The following AKAP13 variants were observed in gnomAD, a reference collection of about 807,000 sequenced individuals.
The protein encoded by AKAP13 is A-kinase anchor protein 13.
A neutral mutation model predicts 264.5 loss-of-function variants in AKAP13; 80 were observed. That is an observed-to-expected ratio of 0.30 (90% CI 0.25 to 0.36). The LOEUF is 0.36. Among genes scored for constraint, AKAP13 ranks in the 10% least tolerant of loss-of-function variants. The pLI, the probability that AKAP13 is intolerant of heterozygous loss-of-function variation, is 1.00. For missense variants in AKAP13, 3,712 were observed against 3,435.2 expected, an observed-to-expected ratio of 1.08 and a Z score of -2.01; for synonymous variants, 1,380 against 1,250.2, an observed-to-expected ratio of 1.10 and a Z score of -2.19.
At chr15:85,485,918 T>C (rs1271925509) in intron 2 of AKAP13, among the ~76,000 whole-genome samples, 165 bp downstream of exon 2, 6 of 152,208 alleles carry the variant, frequency 3.9e-5, no homozygotes, top group Non-Finnish European at 5.9e-5. Flanking sequence ...ATTTAGTAAA[T>C]ACTAAATGGC....
intron 2 of AKAP13, among the ~76,000 whole-genome samples, chr15:85,487,064 A>G (rs535701365): frequency 1.3e-5 from 2 of 152,214 alleles, no homozygotes; most frequent in East Asian, 1.9e-4. Flanking sequence ...CATTGCTTAT[A>G]TATAGAAATA....
chr15:85,504,254 A>G (rs2076122236), intron 2 of AKAP13, among the ~76,000 whole-genome samples: 1 of 152,146 alleles, frequency 6.6e-6, no homozygotes. Context: ...AGCCGAGTAT[A>G]ATCTTCAACC....
chr15:85,658,515 C>G lies in AKAP13; in HGVS notation c.4746-22C>G, dbSNP rs529217761. 2.5e-6 allele frequency: 4 copies of G among 1,613,040 alleles called. No individual in the cohort carries two copies. The East Asian group carries it at 8.9e-5, about 36-fold the overall frequency. On this transcript the variant is annotated intron_variant, in intron 11 of 36. Transcript: ENST00000394518. The stretch of plus-strand genomic sequence containing the variant: ...CATTTTGTTTCACCTGCAACACTGA[C>G]CTCTTCACCATTCATTTTCAGTTCA...
At chr15:85,499,139 T>C (rs192896472) in intron 2 of AKAP13, among the ~76,000 whole-genome samples, 7 of 152,320 alleles carry the variant, frequency 4.6e-5, no homozygotes, top group Admixed American at 4.6e-4. Context: ...GCTTTTCTTT[T>C]TTAAAGGCTA....
chr15:85,405,394 A>T (rs2071614541), intron 1 of AKAP13, among the ~76,000 whole-genome samples: 1 of 152,212 alleles, frequency 6.6e-6, no homozygotes, highest in East Asian at 1.9e-4. Flanking sequence ...AGTTTGACAA[A>T]AATCCATGAT....
intron 10 of AKAP13, among the ~76,000 whole-genome samples, chr15:85,650,373 A>G (rs2082746672): frequency 6.6e-6 from 1 of 152,150 alleles, no homozygotes; most frequent in South Asian, 2.1e-4. Flanking sequence ...CAAGGCTGCA[A>G]TGAGCTGTGA....
At position 85,718,498 on chromosome 15, in the gene AKAP13, G is replaced by T. The variant is rs1339358078; in HGVS notation, c.6001+339G>T. Among the ~76,000 whole-genome samples, 2 of 152,156 alleles carry T rather than the reference G, an allele frequency of 1.3e-5. No individual in the cohort carries two copies. Among genetic ancestry groups the T allele is most frequent in the African/African-American group, 4.8e-5 (2 of 41,428 alleles). On this transcript the variant is annotated intron_variant, in intron 22 of 36. Coordinates refer to ENST00000394518, the MANE Select transcript of AKAP13 (RefSeq NM_007200.5). The surrounding 1 kb of genome is among the most constrained non-coding windows in gnomAD (Gnocchi z 4.9). ...GAGAACTGGGTATACAGTCAGTTAC[G>T]ACAGGTGCTGAATCCAGTGAAGACC...
intron 14 of AKAP13, among the ~76,000 whole-genome samples, chr15:85,681,159 A>G (rs1001744975): frequency 6.6e-6 from 1 of 152,206 alleles, no homozygotes; most frequent in African/African-American, 2.4e-5. Flanking sequence ...TCAAATCTCT[A>G]TCAGATTAAA....
chr15:85,586,392 A>C (rs1049892167), intron 8 of AKAP13, among the ~76,000 whole-genome samples: 4 of 151,844 alleles, frequency 2.6e-5, no homozygotes, highest in Non-Finnish European at 1.5e-5. Context: ...CTTTTTGTGG[A>C]GATGGGGTTT....
chr15:85,575,139 C>G lies in AKAP13; in HGVS notation c.671C>G (p.Ala224Gly). The G allele has an allele frequency of 6.2e-7, 1 of 1,614,046 alleles. No homozygotes were observed. The highest frequency in any genetic ancestry group is 8.5e-7 in the Non-Finnish European group (1 of 1,179,960). The change falls in exon 6 of 37, where the codon GCT becomes GGT. Residue 224 changes from alanine to glycine, a missense_variant. This residue lies in a region of AKAP13 where 2,759 missense variants were observed against 2,411.7 expected (regional missense o/e 1.14). Transcript: ENST00000394518. ...GAGATGCTTGCATGTAGGGAGAATGCTGGAGAACCAGACTCCTGGAGCAGT... is the reference window on the plus strand; with the variant it reads ...GAGATGCTTGCATGTAGGGAGAATGGTGGAGAACCAGACTCCTGGAGCAGT... ...KLHQLLTEENAGEPDSWSSLS... is the reference protein window; with the variant it reads ...KLHQLLTEENGGEPDSWSSLS...
rs1233910151 is a variant in AKAP13, at chr15:85,641,503, A to C, written c.4237+2054A>C. Among the ~76,000 whole-genome samples, 3 of 114,852 alleles carry C rather than the reference A, an allele frequency of 2.6e-5. No individual in the cohort carries two copies. The East Asian group carries it at 7.9e-4, about 30-fold the overall frequency. 75.3% of individuals were successfully genotyped at this position (114,852 alleles called of 152,430 possible). A position where few individuals can be genotyped will look rare whatever the true frequency, so the allele number is the denominator to read the frequency against. On this transcript the variant is annotated intron_variant, in intron 9 of 36. Coordinates refer to ENST00000394518, the MANE Select transcript of AKAP13 (RefSeq NM_007200.5). ...AAATAAATAAATAAATAAATAAATA[A>C]ATAACGGAGTCTCGCTCTGTCGCCC...
Position 85,746,753 on chromosome 15 carries a change from T to G in AKAP13, c.*2076T>G, listed in dbSNP as rs556991798. On this transcript the variant is annotated 3_prime_UTR_variant, in exon 37 of 37. Coordinates refer to ENST00000394518, the MANE Select transcript of AKAP13 (RefSeq NM_007200.5). ...CTGAGATCTACCCGGGGCTTGGCTG[T>G]CTGTTCTGGGCACTGGCTCCGAGTT... 4 of 152,346 alleles carry G rather than the reference T, an allele frequency of 2.6e-5. No individual in the cohort carries two copies. Among genetic ancestry groups the G allele is most frequent in the African/African-American group, 9.6e-5 (4 of 41,562 alleles). 9.4% of individuals were successfully genotyped at this position (152,346 alleles called of 1,614,324 possible). A position where few individuals can be genotyped will look rare whatever the true frequency, so the allele number is the denominator to read the frequency against.
At chr15:85,450,017 G>A (rs1044470879) in intron 1 of AKAP13, among the ~76,000 whole-genome samples, 1 of 152,096 alleles carries the variant, frequency 6.6e-6, no homozygotes, top group African/African-American at 2.4e-5. Flanking sequence ...TGTACATCTA[G>A]TAGAATTAGG....
At chr15:85,715,953 T>C in intron 20 of AKAP13, 30 bp downstream of exon 20, 4 of 1,601,734 alleles carry the variant, frequency 2.5e-6, no homozygotes, top group Non-Finnish European at 3.4e-6. Context: ...GATAGCACAG[T>C]TGGCATCTAG....
chr15:85,744,669 T>C lies in AKAP13; in HGVS notation c.8434T>C (p.Phe2812Leu). 6.2e-7 allele frequency: 1 copy of C among 1,609,274 alleles called. No homozygotes were observed. Among genetic ancestry groups the C allele is most frequent in the East Asian group, 2.2e-5 (1 of 44,834 alleles). Reference protein sequence around the residue: ...SEVSAEGEEIFC With the variant: ...SEVSAEGEEILC Reference sequence around the variant, plus strand: ...AGTATCAGCAGAGGGTGAAGAGATCTTCTGCTGACCCTCTTCCTCTCTGCT... The same window carrying C: ...AGTATCAGCAGAGGGTGAAGAGATCCTCTGCTGACCCTCTTCCTCTCTGCT... The change falls in exon 37 of 37, where the codon TTC (phenylalanine) becomes CTC (leucine). Residue 2812 changes from phenylalanine to leucine, a missense_variant. Around this residue, in one of 3 missense-constraint regions of AKAP13, gnomAD observed 611 missense variants for 539.3 expected, o/e 1.13. Coordinates refer to ENST00000394518, the MANE Select transcript of AKAP13 (RefSeq NM_007200.5).
At chr15:85,627,559 A>G (rs553421772) in intron 8 of AKAP13, 1 of 152,086 alleles carries the variant, frequency 6.6e-6, no homozygotes, top group African/African-American at 2.4e-5. Context: ...TGATCTTTTT[A>G]CTACCTTTCT....
At chr15:85,530,334 A>G (rs2077207613) in intron 3 of AKAP13, among the ~76,000 whole-genome samples, 1 of 152,154 alleles carries the variant, frequency 6.6e-6, no homozygotes, top group Admixed American at 6.5e-5. Flanking sequence ...TTGCTTCACC[A>G]TGGCTCTTTG....
At position 85,645,971 on chromosome 15, in the gene AKAP13, C is replaced by G. The variant is rs767319083; in HGVS notation, c.4374+17C>G. Reference sequence around the variant, plus strand: ...TTCCCAAAGGTACTGTGTGGACCTTCCTTTCATTTTTGTCACACGGCTTTT... The same window carrying G: ...TTCCCAAAGGTACTGTGTGGACCTTGCTTTCATTTTTGTCACACGGCTTTT... On this transcript the variant is annotated intron_variant, in intron 10 of 36. Coordinates refer to ENST00000394518, the MANE Select transcript of AKAP13 (RefSeq NM_007200.5). 1.3e-6 allele frequency: 2 copies of G among 1,597,334 alleles called. No individual in the cohort carries two copies. Among genetic ancestry groups the G allele is most frequent in the Non-Finnish European group, 1.7e-6 (2 of 1,175,464 alleles).
chr15:85,383,419 C>CT (rs1259676385), intron 1 of AKAP13, among the ~76,000 whole-genome samples: 1 of 152,150 alleles, frequency 6.6e-6, no homozygotes, highest in Non-Finnish European at 1.5e-5. Flanking sequence ...ATGTGAGGTA[C>CT]TTAACTACAG....
Sources: gnomAD v4.1 joint callset for allele counts (sites outside exome capture counted in the v4.1 genomes callset) on GRCh38, gnomAD v4.1.1 for gene constraint, gnomAD v4.1.1 regional missense constraint, Gnocchi (gnomAD v3.1) non-coding constraint, MANE v1.5 for transcripts, NCBI Gene and HGNC (gene_info 2026-07-23, HGNC 2026-07-21) for gene names.